Variants in FOXRED1 observed in about 807,000 individuals in gnomAD.
FOXRED1 encodes FAD-dependent oxidoreductase domain-containing protein 1.
In FOXRED1, 52 loss-of-function variants were observed where a neutral mutation model predicts 57.8. The observed-to-expected ratio is 0.90, with a 90% CI of 0.72 to 1.13. The LOEUF is 1.13. Ranked by LOEUF, FOXRED1 falls within the 50% of genes most tolerant of loss-of-function variation. The pLI is 0.00. For synonymous variants in FOXRED1, 271 were observed against 248.3 expected (o/e 1.09, Z -0.86); for missense variants, 589 against 625.2 (o/e 0.94, Z 0.62).
chr11:126,272,944 C>T lies in FOXRED1; in HGVS notation c.307-25C>T, dbSNP rs758629736. 8.6e-7 allele frequency: 1 copy of T among 1,162,900 alleles called. No homozygotes were observed. Among genetic ancestry groups the T allele is most frequent in the Admixed American group, 1.7e-5 (1 of 59,486 alleles). The allele number at this position is 1,162,900 out of a possible 1,614,324, so 72.0% of individuals were successfully genotyped here. The stretch of plus-strand genomic sequence containing the variant: ...CACATGTGATAGGGTACTGGTCTAC[C>T]TCAACTTTTCTTGTCTTTCCACAGT... On this transcript the variant is annotated intron_variant, in intron 2 of 10. Transcript: ENST00000263578. The surrounding 1 kb of genome is among the most constrained non-coding windows in gnomAD (Gnocchi z 4.6).
Position 126,271,295 on chromosome 11 carries a change from G to A in FOXRED1, c.86-142G>A, listed in dbSNP as rs925748956. 2.8e-6 allele frequency: 2 copies of A among 709,912 alleles called. No homozygotes were observed. Among genetic ancestry groups the A allele is most frequent in the Non-Finnish European group, 5.1e-6 (2 of 389,576 alleles). 44.0% of individuals were successfully genotyped at this position (709,912 alleles called of 1,614,324 possible). Reference sequence around the variant, plus strand: ...ACTGTGGCAACACTGTTGGGTGCAAGGTGACCTTATGAGATGGGCTGACAG... The same window carrying A: ...ACTGTGGCAACACTGTTGGGTGCAAAGTGACCTTATGAGATGGGCTGACAG... On this transcript the variant is annotated intron_variant, in intron 1 of 10. Coordinates refer to ENST00000263578, the MANE Select transcript of FOXRED1 (RefSeq NM_017547.4). This position sits in a 1 kb window ranked among gnomAD's most constrained non-coding sequence, Gnocchi z 5.3.
Position 126,272,893 on chromosome 11 carries a change from C to G in FOXRED1, c.307-76C>G. 1.2e-6 allele frequency: 1 copy of G among 816,146 alleles called. No homozygotes were observed. The highest frequency in any genetic ancestry group is 1.7e-5 in the Admixed American group (1 of 57,998). 50.6% of individuals were successfully genotyped at this position (816,146 alleles called of 1,614,324 possible). ...CCCCTTCAACTTTAGGTGTATAGCT[C>G]GAAGCTTTCATTGCAGTATTCTAGT... On this transcript the variant is annotated intron_variant, in intron 2 of 10. Coordinates refer to ENST00000263578, the MANE Select transcript of FOXRED1 (RefSeq NM_017547.4). This position sits in a 1 kb window ranked among gnomAD's most constrained non-coding sequence, Gnocchi z 4.6.
Position 126,269,254 on chromosome 11 carries a change from C to T in FOXRED1, c.48C>T (p.Thr16=). The change falls in exon 1 of 11, where the codon ACC becomes ACT. Residue 16 remains threonine, a synonymous_variant. Coordinates refer to ENST00000263578, the MANE Select transcript of FOXRED1 (RefSeq NM_017547.4). ...ACGGCATGGGCCGGGGCCTCTTGAC[C>T]CGGAGGCCAGGCACGCGCAGAGGAG... ...LPHGMGRGLL[T]RRPGTRRGGF... 6.2e-7 allele frequency: 1 copy of T among 1,614,198 alleles called. No individual in the cohort carries two copies. The highest frequency in any genetic ancestry group is 8.5e-7 in the Non-Finnish European group (1 of 1,180,028).
chr11:126,273,012 A>G lies in FOXRED1; in HGVS notation c.350A>G (p.Gln117Arg). The G allele has an allele frequency of 6.2e-7, 1 of 1,609,568 alleles. No homozygotes were observed. Among genetic ancestry groups the G allele is most frequent in the Non-Finnish European group, 8.5e-7 (1 of 1,175,732 alleles). ...STGLSVGGIC[Q>R]QFSLPENIQL... Reference sequence around the variant, plus strand: ...GGGCTCTCAGTAGGTGGGATTTGTCAGCAGTTCTCATTGCCTGAGAACATC... The same window carrying G: ...GGGCTCTCAGTAGGTGGGATTTGTCGGCAGTTCTCATTGCCTGAGAACATC... The change falls in exon 3 of 11, where the codon CAG (glutamine) becomes CGG (arginine). Residue 117 changes from glutamine to arginine, a missense_variant. Transcript: ENST00000263578. The surrounding 1 kb of genome is among the most constrained non-coding windows in gnomAD (Gnocchi z 5.9).
In FOXRED1 at chr11:126,269,923, G is replaced by A. The variant is rs532297088; in HGVS notation, c.85+632G>A. On this transcript the variant is annotated intron_variant, in intron 1 of 10. Coordinates refer to ENST00000263578, the MANE Select transcript of FOXRED1 (RefSeq NM_017547.4). ...AATCGCTTGAACCCGGAAGGCGAAG[G>A]TTGCAATGAGCCGAGATCATGCCAT... Among the ~76,000 whole-genome samples the A allele has an allele frequency of 5.5e-5, 8 of 145,258 alleles. No individual in the cohort carries two copies. In the South Asian group the frequency reaches 1.7e-3, roughly 31 times the overall value.
chr11:126,273,080 G>GCACC lies in FOXRED1; in HGVS notation c.417+1_417+2insCACC. 1 of 1,503,866 alleles carries GCACC rather than the reference G, an allele frequency of 6.6e-7. No homozygotes were observed. Among genetic ancestry groups the GCACC allele is most frequent in the Non-Finnish European group, 9.3e-7 (1 of 1,079,198 alleles). The allele number at this position is 1,503,866 out of a possible 1,614,324, so 93.2% of individuals were successfully genotyped here. Reference sequence around the variant, plus strand: ...AGCCAGCTTTCTACGGAACATCAATGTAGGTGCAATGATATCCGGGATGTT... The same window carrying GCACC: ...AGCCAGCTTTCTACGGAACATCAATGCACCTAGGTGCAATGATATCCGGGATGTT... On this transcript the variant is annotated splice_donor_variant, in intron 3 of 10. Coordinates refer to ENST00000263578, the MANE Select transcript of FOXRED1 (RefSeq NM_017547.4). LOFTEE classifies it high-confidence loss of function. This position sits in a 1 kb window ranked among gnomAD's most constrained non-coding sequence, Gnocchi z 5.9.
rs1951111875 is a variant in FOXRED1 at position 126,275,778 on chromosome 11, A to G, written c.734-16A>G. ...TCAGCACCTCTACGGCCTATTTTTC[A>G]TTTTCTTCTCTGCAGGTTTTGTCTC... is the stretch of plus-strand genomic sequence containing the variant. On this transcript the variant is annotated splice_polypyrimidine_tract_variant and intron_variant, in intron 6 of 10. Transcript: ENST00000263578. This position sits in a 1 kb window ranked among gnomAD's most constrained non-coding sequence, Gnocchi z 5.9. 1 of 1,585,598 alleles carries G rather than the reference A, an allele frequency of 6.3e-7. No individual in the cohort carries two copies. The highest frequency in any genetic ancestry group is 1.3e-5 in the African/African-American group (1 of 74,256).
chr11:126,269,275 A>T lies in FOXRED1; in HGVS notation c.69A>T (p.Arg23Ser). The T allele has an allele frequency of 6.2e-7, 1 of 1,614,206 alleles. No individual in the cohort carries two copies. The highest frequency in any genetic ancestry group is 1.1e-5 in the South Asian group (1 of 91,084). Residue 23 changes from arginine to serine, a missense_variant, in exon 1 of 11, where the codon AGA becomes AGT. Arg to Ser is a moderately radical substitution (Grantham distance 110, BLOSUM62 -1). Coordinates refer to ENST00000263578, the MANE Select transcript of FOXRED1 (RefSeq NM_017547.4). Reference protein sequence around the residue: ...GLLTRRPGTRRGGFSLDWDGK... With the variant: ...GLLTRRPGTRSGGFSLDWDGK... ...TGACCCGGAGGCCAGGCACGCGCAG[A>T]GGAGGCTTTTCTCTGGGTAAAGTTG...
chr11:126,276,627 G>C (rs1288811357), intron 9 of FOXRED1, 104 bp downstream of exon 9: 1 of 1,368,854 alleles, frequency 7.3e-7, no homozygotes, highest in Non-Finnish European at 1.0e-6. Flanking sequence ...TGTAATCTTG[G>C]CATTTTGGGA....
At position 126,276,224 on chromosome 11, in the gene FOXRED1, C is replaced by G; in HGVS notation, c.971+5C>G. The stretch of plus-strand genomic sequence containing the variant: ...ACCTGTGGAGCCGAGGAAAAGGTAA[C>G]TGCCCTCCGGACAGCTGAGGAGGTT... On this transcript the variant is annotated splice_donor_5th_base_variant and intron_variant, in intron 8 of 10. Coordinates refer to ENST00000263578, the MANE Select transcript of FOXRED1 (RefSeq NM_017547.4). The G allele has an allele frequency of 1.3e-6, 2 of 1,585,090 alleles. No homozygotes were observed. The highest frequency in any genetic ancestry group is 8.5e-7 in the Non-Finnish European group (1 of 1,169,726).
rs762822720 is a variant in FOXRED1, at chr11:126,272,996, G to A, written c.334G>A (p.Val112Ile). 4 of 1,602,568 alleles carry A rather than the reference G, an allele frequency of 2.5e-6. No homozygotes were observed. The highest frequency in any genetic ancestry group is 1.1e-5 in the South Asian group (1 of 90,918). ...TYSQASTGLS[V>I]GGICQQFSLP... ...TTCACAGGCCTCCACTGGGCTCTCA[G>A]TAGGTGGGATTTGTCAGCAGTTCTC... Residue 112 changes from valine to isoleucine, a missense_variant, in exon 3 of 11, where the codon GTA (valine) becomes ATA (isoleucine). Coordinates refer to ENST00000263578, the MANE Select transcript of FOXRED1 (RefSeq NM_017547.4). The surrounding 1 kb of genome is among the most constrained non-coding windows in gnomAD (Gnocchi z 4.6).
chr11:126,275,630 C>CA lies in FOXRED1; in HGVS notation c.734-163dup. On this transcript the variant is annotated intron_variant, in intron 6 of 10. Transcript: ENST00000263578. The surrounding 1 kb of genome is among the most constrained non-coding windows in gnomAD (Gnocchi z 5.9). Reference sequence around the variant, plus strand: ...TGATTGCACCTGAGCACTGTCCTGTCAGAGTGTGGCCAAGCTCATGCCAGC... The same window carrying CA: ...TGATTGCACCTGAGCACTGTCCTGTCAAGAGTGTGGCCAAGCTCATGCCAGC... The CA allele has an allele frequency of 1.4e-6, 1 of 720,650 alleles. No individual in the cohort carries two copies. The highest frequency in any genetic ancestry group is 1.5e-5 in the South Asian group (1 of 66,904). 44.6% of individuals were successfully genotyped at this position (720,650 alleles called of 1,614,324 possible).
Position 126,274,949 on chromosome 11 carries a change from C to A in FOXRED1, c.559C>A (p.Leu187Met), listed in dbSNP as rs1203498243. 6.2e-7 allele frequency: 1 copy of A among 1,612,834 alleles called. No individual in the cohort carries two copies. The highest frequency in any genetic ancestry group is 2.2e-5 in the East Asian group (1 of 44,888). ...CAGGCAGGAGGGAGCCAAAGTTTCT[C>A]TGATGTCTCCTGATCAGCTTCGGAA... ...VQRQEGAKVS[L>M]MSPDQLRNKF... Residue 187 changes from leucine to methionine, a missense_variant, in exon 5 of 11, where the codon CTG becomes ATG. Transcript: ENST00000263578. The surrounding 1 kb of genome is among the most constrained non-coding windows in gnomAD (Gnocchi z 4.8).
chr11:126,271,479 C>T lies in FOXRED1; in HGVS notation c.128C>T (p.Ser43Leu), dbSNP rs988199168. 7.4e-6 allele frequency: 12 copies of T among 1,613,990 alleles called. No individual in the cohort carries two copies. The highest frequency in any genetic ancestry group is 4.5e-5 in the East Asian group (2 of 44,890). Residue 43 changes from serine (S) to leucine (L), a missense_variant, in exon 2 of 11, where the codon TCG (serine) becomes TTG (leucine). By Grantham distance (145) the Ser-to-Leu change is moderately radical. Transcript: ENST00000263578. This position sits in a 1 kb window ranked among gnomAD's most constrained non-coding sequence, Gnocchi z 5.3. The stretch of plus-strand genomic sequence containing the variant: ...TCTGAGATTAAGAAGAAGATCAAGT[C>T]GATCCTGCCTGGAAGGTCCTGTGAT... ...KVSEIKKKIK[S>L]ILPGRSCDLL...
Position 126,276,169 on chromosome 11 carries a change from G to A in FOXRED1, c.921G>A (p.Gly307=), listed in dbSNP as rs777315728. The A allele has an allele frequency of 1.2e-4, 191 of 1,610,134 alleles. No homozygotes were observed. The highest frequency in any genetic ancestry group is 1.5e-4 in the Non-Finnish European group (180 of 1,179,096). ...QIAALAGVGE[G]PPGTLQGTKL... is the part of the protein sequence containing the mutation. ...CAGCACTGGCTGGTGTTGGAGAGGG[G>A]CCGCCTGGCACCCTGCAGGGCACCA... Residue 307 remains glycine, a synonymous_variant, in exon 8 of 11, where the codon GGG becomes GGA. Transcript: ENST00000263578.
chr11:126,269,527 T>C (rs1950915454), intron 1 of FOXRED1: 1 of 722,240 alleles, frequency 1.4e-6, no homozygotes, highest in Non-Finnish European at 2.4e-6. Context: ...ACAGTCAGAC[T>C]GATTGATAAT....
rs146228164 is a variant in FOXRED1, at chr11:126,277,577, G to C, written c.1349G>C (p.Arg450Pro). 1.2e-6 allele frequency: 2 copies of C among 1,613,754 alleles called. No individual in the cohort carries two copies. Among genetic ancestry groups the C allele is most frequent in the Admixed American group, 1.7e-5 (1 of 60,020 alleles). ...HGLQQAPGIG[R>P]AVAEMVLKGR... The stretch of plus-strand genomic sequence containing the variant: ...CTCCAGCAGGCCCCTGGCATTGGGC[G>C]AGCTGTAGCAGAGATGGTACTGAAG... Residue 450 changes from arginine (R) to proline (P), a missense_variant, in exon 11 of 11, where the codon CGA becomes CCA. Arg to Pro is a moderately radical substitution (Grantham distance 103, BLOSUM62 -2). Coordinates refer to ENST00000263578, the MANE Select transcript of FOXRED1 (RefSeq NM_017547.4). The surrounding 1 kb of genome is among the most constrained non-coding windows in gnomAD (Gnocchi z 6.8).
chr11:126,271,427 C>T lies in FOXRED1; in HGVS notation c.86-10C>T, dbSNP rs1449613239. 5 of 1,604,858 alleles carry T rather than the reference C, an allele frequency of 3.1e-6. No individual in the cohort carries two copies. Among genetic ancestry groups the T allele is most frequent in the African/African-American group, 2.7e-5 (2 of 74,726 alleles). ...ATGTTTGGCCCTCTGACCCTAACTACATCCCACAGACTGGGATGGAAAGGT... is the reference window on the plus strand; with the variant it reads ...ATGTTTGGCCCTCTGACCCTAACTATATCCCACAGACTGGGATGGAAAGGT... On this transcript the variant is annotated splice_polypyrimidine_tract_variant and intron_variant, in intron 1 of 10. Transcript: ENST00000263578. This position sits in a 1 kb window ranked among gnomAD's most constrained non-coding sequence, Gnocchi z 5.3.
chr11:126,271,841 A>T lies in FOXRED1; in HGVS notation c.306+184A>T. 1.6e-6 allele frequency: 1 copy of T among 631,124 alleles called. No homozygotes were observed. The highest frequency in any genetic ancestry group is 1.8e-5 in the African/African-American group (1 of 55,296). The allele number at this position is 631,124 out of a possible 1,614,324, so 39.1% of individuals were successfully genotyped here. ...TAGGATCTTCCTCAGTCGAACCAGG[A>T]AGCTTGGCAATAAGGTTTGTTCTTT... is the stretch of plus-strand genomic sequence containing the variant. On this transcript the variant is annotated intron_variant, in intron 2 of 10. Coordinates refer to ENST00000263578, the MANE Select transcript of FOXRED1 (RefSeq NM_017547.4). This position sits in a 1 kb window ranked among gnomAD's most constrained non-coding sequence, Gnocchi z 5.3.
Sources: gnomAD v4.1 joint callset for allele counts (sites outside exome capture counted in the v4.1 genomes callset) on GRCh38, gnomAD v4.1.1 for gene constraint, Gnocchi (gnomAD v3.1) non-coding constraint, MANE v1.5 for transcripts, NCBI Gene and HGNC (gene_info 2026-07-23, HGNC 2026-07-21) for gene names.